CERS3: variants seen among roughly 807,000 people sequenced by gnomAD.
CERS3 encodes ceramide synthase 3.
In CERS3, 33 loss-of-function variants were observed where a neutral mutation model predicts 50.3. The ratio of observed to expected loss-of-function variants is 0.66; its 90% CI spans 0.50 to 0.88. CERS3 has a LOEUF of 0.88. Among genes scored for constraint, CERS3 ranks in the 40% least tolerant of loss-of-function variants. The pLI is 0.00. For synonymous variants in CERS3, 176 were observed against 155.2 expected (o/e 1.13, Z -0.99); for missense variants, 470 against 460.3 (o/e 1.02, Z -0.19).
At chr15:100,416,575 C>T (rs1184723962) in intron 11 of CERS3, among the ~76,000 whole-genome samples, 2 of 152,196 alleles carry the variant, frequency 1.3e-5, no homozygotes, top group Non-Finnish European at 2.9e-5. Context: ...AGGAAACTTA[C>T]AATCGTGGCA....
At chr15:100,502,191 G>C (rs931111321) in intron 2 of CERS3, among the ~76,000 whole-genome samples, 3 of 135,160 alleles carry the variant, frequency 2.2e-5, no homozygotes, top group Non-Finnish European at 4.6e-5. Context: ...TTTGCAGTGA[G>C]CCAAGATCAC....
At chr15:100,402,937 C>T (rs915328151) in intron 11 of CERS3, 72 bp from the exon 12 acceptor site, 5 of 1,461,696 alleles carry the variant, frequency 3.4e-6, no homozygotes, top group Non-Finnish European at 4.6e-6. Flanking sequence ...TGCCAACAGC[C>T]AGTTTCAAGT....
chr15:100,489,119 C>T (rs1157951066), intron 4 of CERS3, among the ~76,000 whole-genome samples: 1 of 152,114 alleles, frequency 6.6e-6, no homozygotes, highest in Non-Finnish European at 1.5e-5. Context: ...AAAATTCTGT[C>T]TTTATTAAAC....
In CERS3 at chr15:100,523,159, T is replaced by G. The variant is rs1394064444; in HGVS notation, c.-91-1403A>C. Among the ~76,000 whole-genome samples the G allele has an allele frequency of 2.6e-5, 4 of 152,180 alleles. No homozygotes were observed. The East Asian group carries it at 5.8e-4, about 22-fold the overall frequency. ...GTACCTGTTCAAACCTCTTGCCCAT[T>G]TTTCTGTTGTGGCGGTCTATCTTTC... On this transcript the variant is annotated intron_variant, in intron 1 of 11. Transcript: ENST00000679737.
At chr15:100,422,973 T>C (rs987863032) in intron 11 of CERS3, among the ~76,000 whole-genome samples, 1 of 149,954 alleles carries the variant, frequency 6.7e-6, no homozygotes, top group Non-Finnish European at 1.5e-5. Context: ...TATCCGGAGA[T>C]ATACCTAATG....
chr15:100,474,465 T>C (rs1337764192), intron 8 of CERS3, among the ~76,000 whole-genome samples: 1 of 151,816 alleles, frequency 6.6e-6, no homozygotes, highest in Non-Finnish European at 1.5e-5. Context: ...AGTGCAGTGG[T>C]GCGATCTTGG....
chr15:100,429,562 C>T (rs2654606), intron 11 of CERS3, among the ~76,000 whole-genome samples: 127,952 of 152,096 alleles, frequency 0.84, 54,150 homozygotes, highest in Middle Eastern at 0.9. Context: ...CTCTGCCTCC[C>T]TGGAGCGCCC....
chr15:100,471,496 T>C (rs1379872984), intron 9 of CERS3, among the ~76,000 whole-genome samples: 2 of 152,168 alleles, frequency 1.3e-5, no homozygotes, highest in Non-Finnish European at 1.5e-5. Flanking sequence ...TGTTTTTACA[T>C]TGGACACACA....
At chr15:100,462,148 T>A (rs1175428597) in intron 10 of CERS3, among the ~76,000 whole-genome samples, 5 of 152,200 alleles carry the variant, frequency 3.3e-5, no homozygotes, top group African/African-American at 1.2e-4. Context: ...GCCGAAAGAC[T>A]GCTATATTCC....
chr15:100,455,122 C>G (rs1459323479), intron 11 of CERS3, among the ~76,000 whole-genome samples: 1 of 152,046 alleles, frequency 6.6e-6, no homozygotes, highest in African/African-American at 2.4e-5. Flanking sequence ...GAAGAGGGAA[C>G]TCTTATACAC....
At chr15:100,453,799 A>T (rs1227705222) in intron 11 of CERS3, among the ~76,000 whole-genome samples, 2 of 152,220 alleles carry the variant, frequency 1.3e-5, no homozygotes, top group African/African-American at 2.4e-5. Flanking sequence ...AATTCAGTAA[A>T]GTTACAGGAT....
intron 10 of CERS3, among the ~76,000 whole-genome samples, chr15:100,466,682 C>T (rs1485500143): frequency 6.6e-6 from 1 of 151,932 alleles, no homozygotes; most frequent in Non-Finnish European, 1.5e-5. Context: ...GCTGAAGTCC[C>T]AGCCAATAAG....
chr15:100,405,517 A>G (rs1567585973), intron 11 of CERS3, among the ~76,000 whole-genome samples: 1 of 152,238 alleles, frequency 6.6e-6, no homozygotes, highest in Non-Finnish European at 1.5e-5. Context: ...AAAAAGGAAC[A>G]AACTGTTGAC....
At chr15:100,510,941 G>T (rs1318249154) in intron 2 of CERS3, among the ~76,000 whole-genome samples, 1 of 152,168 alleles carries the variant, frequency 6.6e-6, no homozygotes, top group Admixed American at 6.5e-5. Flanking sequence ...AAGAGCTATG[G>T]TTTGTATTAT....
intron 1 of CERS3, among the ~76,000 whole-genome samples, chr15:100,539,186 AT>A (rs1468546937): frequency 6.6e-6 from 1 of 152,172 alleles, no homozygotes; most frequent in Admixed American, 6.5e-5. Context: ...CACTATTAGC[AT>A]TTTTATTAAA....
chr15:100,530,328 G>C (rs1399041409), upstream of CERS3, among the ~76,000 whole-genome samples: 1 of 152,156 alleles, frequency 6.6e-6, no homozygotes, highest in African/African-American at 2.4e-5. Context: ...ATAGGATCAA[G>C]ACCAGACTCC....
At chr15:100,516,812 G>A (rs1478717575) in intron 2 of CERS3, among the ~76,000 whole-genome samples, 1 of 152,208 alleles carries the variant, frequency 6.6e-6, no homozygotes, top group Non-Finnish European at 1.5e-5. Context: ...GAGAGGCTGT[G>A]TTGCAATGTC....
At chr15:100,538,369 C>A (rs1485437664) in intron 1 of CERS3, among the ~76,000 whole-genome samples, 1 of 152,172 alleles carries the variant, frequency 6.6e-6, no homozygotes, top group African/African-American at 2.4e-5. Context: ...TTCTGCACTG[C>A]CCTAGCAGAG....
At chr15:100,491,723 T>A (rs1260856246) in intron 3 of CERS3, among the ~76,000 whole-genome samples, 1 of 152,184 alleles carries the variant, frequency 6.6e-6, no homozygotes, top group Non-Finnish European at 1.5e-5. Flanking sequence ...CTTCAAACAC[T>A]GCTATTGCTG....
Sources: gnomAD v4.1 joint callset for allele counts (sites outside exome capture counted in the v4.1 genomes callset) on GRCh38, gnomAD v4.1.1 for gene constraint, MANE v1.5 for transcripts, NCBI Gene and HGNC (gene_info 2026-07-23, HGNC 2026-07-21) for gene names.